The following MYH10 variants were observed in gnomAD, a reference collection of about 807,000 sequenced individuals.
MYH10 encodes the protein myosin-10.
In MYH10, 55 loss-of-function variants were observed where a neutral mutation model predicts 257.8. The observed-to-expected ratio is 0.21, with a 90% confidence interval of 0.17 to 0.27. The LOEUF (loss-of-function observed/expected upper bound fraction) is 0.27. Ranked by LOEUF, MYH10 falls within the 10% of genes least tolerant of loss-of-function variation. The pLI is 1.00. For missense variants in MYH10, 1,631 were observed against 2,500.6 expected (o/e 0.65, Z 7.42); for synonymous variants, 854 against 921.7 (o/e 0.93, Z 1.33).
At chr17:8,603,450 C>T (rs1597950559) in intron 3 of MYH10, among the ~76,000 whole-genome samples, 1 of 152,258 alleles carries the variant, frequency 6.6e-6, no homozygotes, top group South Asian at 2.1e-4. Flanking sequence ...GTGAGCCTGT[C>T]CCCATCTTTC....
intron 35 of MYH10, among the ~76,000 whole-genome samples, chr17:8,489,145 GCCT>G (rs1047086183): frequency 6.6e-6 from 1 of 152,066 alleles, no homozygotes; most frequent in African/African-American, 2.4e-5. Context: ...AGCTGCTGAG[GCCT>G]CCTGCTGACA....
In MYH10 at chr17:8,493,890, G is replaced by GTT; in HGVS notation, c.4057-7_4057-6dup. The GTT allele has an allele frequency of 1.7e-5, 25 of 1,432,062 alleles. No homozygotes were observed. The highest frequency in any genetic ancestry group is 5.1e-5 in the East Asian group (2 of 38,914). 88.7% of individuals were successfully genotyped at this position (1,432,062 alleles called of 1,614,324 possible). ...TGTCTCCTCCTGAAGAAGCTCCTGT[G>GTT]TTTTTTTTTTAAAGGGCAACACTTC... On this transcript the variant is annotated splice_region_variant and splice_polypyrimidine_tract_variant and intron_variant, in intron 31 of 42. Transcript: ENST00000360416.
chr17:8,563,981 T>C (rs2083082837), intron 7 of MYH10, among the ~76,000 whole-genome samples: 1 of 151,962 alleles, frequency 6.6e-6, no homozygotes, highest in Admixed American at 6.5e-5. Flanking sequence ...TAACTAAAAC[T>C]CTGTGAGGGA....
At chr17:8,594,987 T>C (rs2084307255) in intron 3 of MYH10, among the ~76,000 whole-genome samples, 1 of 152,194 alleles carries the variant, frequency 6.6e-6, no homozygotes, top group Non-Finnish European at 1.5e-5. Flanking sequence ...AACTGTACAG[T>C]GTCTTAATTG....
Position 8,513,649 on chromosome 17 carries a change from C to T in MYH10, c.2634G>A (p.Val878=), listed in dbSNP as rs1458074381. The change falls in exon 23 of 43, where the codon GTG becomes GTA. Residue 878 remains valine, a synonymous_variant. Transcript: ENST00000360416. ...CCTGAAGTTCTTCCTCCTGGCGAGT[C>T]ACTTGTAGAAGCGGCTTCACCTATG... is the stretch of plus-strand genomic sequence containing the variant. ...VFTKVKPLLQ[V]TRQEEELQAK... 6.2e-7 allele frequency: 1 copy of T among 1,613,950 alleles called. No homozygotes were observed. Among genetic ancestry groups the T allele is most frequent in the Non-Finnish European group, 8.5e-7 (1 of 1,180,030 alleles).
intron 7 of MYH10, among the ~76,000 whole-genome samples, chr17:8,563,011 C>T (rs1440128133): frequency 6.6e-6 from 1 of 152,152 alleles, no homozygotes; most frequent in Non-Finnish European, 1.5e-5. Flanking sequence ...AATTTAGGGG[C>T]AATGCAGGTT....
intron 1 of MYH10, among the ~76,000 whole-genome samples, chr17:8,628,300 G>A (rs746897105): frequency 2.6e-5 from 4 of 152,098 alleles, no homozygotes; most frequent in African/African-American, 7.2e-5. Flanking sequence ...CAGAGCCAAA[G>A]TTGCCATCCC....
chr17:8,571,744 C>T (rs1354990244), intron 6 of MYH10, among the ~76,000 whole-genome samples: 3 of 151,774 alleles, frequency 2.0e-5, no homozygotes, highest in East Asian at 1.9e-4. Context: ...GGAGAAAGAG[C>T]GAGAGACTCA....
chr17:8,586,601 G>A (rs77714526), intron 4 of MYH10, among the ~76,000 whole-genome samples: 3,970 of 152,266 alleles, frequency 0.026, 76 homozygotes, highest in Admixed American at 0.035. Context: ...TTGTACCCAA[G>A]AAGAGATAAA....
In MYH10 at chr17:8,545,765, G is replaced by A. The variant is rs987786353; in HGVS notation, c.1279-165C>T. ...ACATCAATAGAAGGCAATATTAGAA[G>A]AATTAAATGAACACAGGGAATAACG... On this transcript the variant is annotated intron_variant, in intron 12 of 42. Coordinates refer to ENST00000360416, the MANE Select transcript of MYH10 (RefSeq NM_001256012.3). The surrounding 1 kb of genome is among the most constrained non-coding windows in gnomAD (Gnocchi z 4.7). Among the ~76,000 whole-genome samples the A allele has an allele frequency of 2.0e-5, 3 of 152,142 alleles. No homozygotes were observed. Among genetic ancestry groups the A allele is most frequent in the African/African-American group, 4.8e-5 (2 of 41,440 alleles).
At position 8,481,475 on chromosome 17, in the gene MYH10, G is replaced by A. The variant is rs543575493; in HGVS notation, c.5176-65C>T. 2.1e-3 allele frequency: 3,051 copies of A among 1,443,670 alleles called. 17 individuals carry two copies. The highest frequency in any genetic ancestry group is 3.8e-3 in the South Asian group (329 of 86,096). 89.4% of individuals were successfully genotyped at this position (1,443,670 alleles called of 1,614,324 possible). A position where few individuals can be genotyped will look rare whatever the true frequency, so the allele number is the denominator to read the frequency against. On this transcript the variant is annotated intron_variant, in intron 37 of 42. Coordinates refer to ENST00000360416, the MANE Select transcript of MYH10 (RefSeq NM_001256012.3). ...GTTTCCTCACCTGTGGAATCTGACAGTGCCTGGAGCTACAGCGACCTTGCT... is the reference window on the plus strand; with the variant it reads ...GTTTCCTCACCTGTGGAATCTGACAATGCCTGGAGCTACAGCGACCTTGCT...
rs71159593 is a variant in MYH10, at chr17:8,497,980, CT to C, written c.3951+1289del. ...ATGTGCATATATGCAAATACTATGCCTTTTTTTTTTTTTTTTTTTGAGACAG... is the reference window on the plus strand; with the variant it reads ...ATGTGCATATATGCAAATACTATGCCTTTTTTTTTTTTTTTTTTGAGACAG... On this transcript the variant is annotated intron_variant, in intron 30 of 42. Coordinates refer to ENST00000360416, the MANE Select transcript of MYH10 (RefSeq NM_001256012.3). Among the ~76,000 whole-genome samples the C allele has an allele frequency of 5.2e-3, 540 of 103,382 alleles. 2 individuals carry two copies. The highest frequency in any genetic ancestry group is 0.02 in the African/African-American group (522 of 26,654). The allele number at this position is 103,382 out of a possible 152,430, so 67.8% of individuals were successfully genotyped here. A position where few individuals can be genotyped will look rare whatever the true frequency, so the allele number is the denominator to read the frequency against.
chr17:8,552,038 T>C lies in MYH10; in HGVS notation c.919+8A>G. 7.0e-7 allele frequency: 1 copy of C among 1,431,328 alleles called. No individual in the cohort carries two copies. Among genetic ancestry groups the C allele is most frequent in the South Asian group, 1.6e-5 (1 of 64,394 alleles). The allele number at this position is 1,431,328 out of a possible 1,614,324, so 88.7% of individuals were successfully genotyped here. A position where few individuals can be genotyped will look rare whatever the true frequency, so the allele number is the denominator to read the frequency against. ...GAATATAAAATAGTAAAAACCTTTG[T>C]AACTTACACTTTAGGTGTTCTCCTG... On this transcript the variant is annotated splice_region_variant and intron_variant, in intron 9 of 42. Transcript: ENST00000360416. This position sits in a 1 kb window ranked among gnomAD's most constrained non-coding sequence, Gnocchi z 4.8.
chr17:8,552,009 C>A lies in MYH10; in HGVS notation c.919+37G>T. The A allele has an allele frequency of 1.7e-6, 2 of 1,143,782 alleles. No individual in the cohort carries two copies. The highest frequency in any genetic ancestry group is 1.6e-5 in the African/African-American group (1 of 62,862). 70.9% of individuals were successfully genotyped at this position (1,143,782 alleles called of 1,614,324 possible). ...CAAAAAAAAATTAAAAGAGATATTCCAGTGAATATAAAATAGTAAAAACCT... is the reference window on the plus strand; with the variant it reads ...CAAAAAAAAATTAAAAGAGATATTCAAGTGAATATAAAATAGTAAAAACCT... On this transcript the variant is annotated intron_variant, in intron 9 of 42. Coordinates refer to ENST00000360416, the MANE Select transcript of MYH10 (RefSeq NM_001256012.3). This position sits in a 1 kb window ranked among gnomAD's most constrained non-coding sequence, Gnocchi z 4.8.
intron 37 of MYH10, among the ~76,000 whole-genome samples, chr17:8,483,715 G>C (rs1914262638): frequency 6.6e-6 from 1 of 152,208 alleles, no homozygotes; most frequent in African/African-American, 2.4e-5. Context: ...GGAATAACAG[G>C]AATTCAATGA....
At chr17:8,533,538 G>A (rs1013733203) in intron 16 of MYH10, among the ~76,000 whole-genome samples, 2 of 152,162 alleles carry the variant, frequency 1.3e-5, no homozygotes, top group Non-Finnish European at 1.5e-5. Context: ...AGGCATAACC[G>A]GGCCATAAAT....
chr17:8,591,704 A>G (rs2084148223), intron 3 of MYH10, among the ~76,000 whole-genome samples: 2 of 145,022 alleles, frequency 1.4e-5, no homozygotes, highest in South Asian at 2.3e-4. Flanking sequence ...GCTATTATCA[A>G]TGTCTAAAAT....
chr17:8,521,448 GAACT>G (rs2081653688), intron 17 of MYH10, 163 bp from the exon 18 acceptor site: 1 of 670,888 alleles, frequency 1.5e-6, no homozygotes. Flanking sequence ...CACAAGCCGG[GAACT>G]AACAGCCACA....
chr17:8,585,973 T>G (rs1038004547), intron 4 of MYH10, among the ~76,000 whole-genome samples: 1 of 152,288 alleles, frequency 6.6e-6, no homozygotes, highest in East Asian at 1.9e-4. Context: ...TAAAGTGGTA[T>G]GAAAATCACT....
Sources: allele counts gnomAD v4.1 joint callset (sites outside exome capture counted in the v4.1 genomes callset), GRCh38; gene constraint gnomAD v4.1.1; non-coding constraint Gnocchi (gnomAD v3.1); transcripts MANE v1.5; gene names NCBI Gene and HGNC (gene_info 2026-07-23, HGNC 2026-07-21).